ZNF709: variants seen among roughly 807,000 people sequenced by gnomAD.
The protein encoded by ZNF709 is zinc finger protein 709.
ZNF709 carries 15 observed loss-of-function variants against 10.6 expected under a neutral mutation model. The ratio of observed to expected loss-of-function variants is 1.41; its 90% confidence interval spans 0.95 to 2.18. The LOEUF (loss-of-function observed/expected upper bound fraction) is 2.18, where lower values mean the gene tolerates loss of function less well. Ranked by LOEUF, ZNF709 falls within the 30% of genes most tolerant of loss-of-function variation. The probability of loss-of-function intolerance (pLI) is 0.00; values close to 1 mark genes in which losing one functional copy is unlikely to be tolerated. For synonymous variants in ZNF709, 194 were observed against 238.8 expected, an observed-to-expected ratio of 0.81 and a Z score of 1.73; for missense variants, 589 against 774.0, an observed-to-expected ratio of 0.76 and a Z score of 2.84.
At chr19:12,478,611 G>A (rs1485610889) in intron 1 of ZNF709, among the ~76,000 whole-genome samples, 3 of 152,238 alleles carry the variant, frequency 2.0e-5, no homozygotes, top group Non-Finnish European at 2.9e-5. Context: ...ATAACAGCGT[G>A]GAGAACAGAC....
At chr19:12,466,975 C>G in intron 1 of ZNF709, 125 bp from the exon 2 acceptor site, 1 of 1,361,898 alleles carries the variant, frequency 7.3e-7, no homozygotes, top group Non-Finnish European at 9.8e-7. Flanking sequence ...CATCAGAACT[C>G]AAATCTTCGT....
At chr19:12,478,882 T>C (rs185470063) in intron 1 of ZNF709, among the ~76,000 whole-genome samples, 4 of 152,326 alleles carry the variant, frequency 2.6e-5, no homozygotes, top group Admixed American at 6.5e-5. Flanking sequence ...GTGACGCTTA[T>C]GATGTGCACA....
chr19:12,482,026 A>G (rs1432304321), intron 1 of ZNF709, among the ~76,000 whole-genome samples: 1 of 151,518 alleles, frequency 6.6e-6, no homozygotes, highest in African/African-American at 2.4e-5. Flanking sequence ...GGGAAAGGAA[A>G]GCCAAGCCAC....
intron 1 of ZNF709, among the ~76,000 whole-genome samples, chr19:12,484,002 CT>C (rs1292028116): frequency 2.6e-5 from 4 of 152,166 alleles, no homozygotes; most frequent in African/African-American, 9.7e-5. Context: ...CTGTTTTCCT[CT>C]CATATAAATA....
intron 1 of ZNF709, among the ~76,000 whole-genome samples, chr19:12,471,670 G>T (rs1568247594): frequency 6.6e-6 from 1 of 152,116 alleles, no homozygotes; most frequent in Non-Finnish European, 1.5e-5. Flanking sequence ...AAGGAAAATT[G>T]ATTAATGATA....
At chr19:12,479,232 G>A (rs1170929472) in intron 1 of ZNF709, among the ~76,000 whole-genome samples, 3 of 152,078 alleles carry the variant, frequency 2.0e-5, no homozygotes, top group African/African-American at 7.2e-5. Flanking sequence ...GAGCCCAGGA[G>A]GTTGAGGCTG....
At chr19:12,475,556 C>T (rs1030930421) in intron 1 of ZNF709, among the ~76,000 whole-genome samples, 14 of 152,062 alleles carry the variant, frequency 9.2e-5, no homozygotes. Context: ...ATAGACTTTC[C>T]TCTTTTTGAG....
At position 12,464,481 on chromosome 19, in the gene ZNF709, A is replaced by G. The variant is rs761513042; in HGVS notation, c.1441T>C (p.Cys481Arg). 1.2e-5 allele frequency: 19 copies of G among 1,612,172 alleles called. No homozygotes were observed. The highest frequency in any genetic ancestry group is 1.6e-5 in the Non-Finnish European group (19 of 1,179,272). The change falls in exon 4 of 4, where the codon TGT becomes CGT. Residue 481 changes from cysteine (C) to arginine (R), a missense_variant. Cys to Arg is a radical substitution (Grantham distance 180, BLOSUM62 -3). This residue lies in a region of ZNF709 where 171 missense variants were observed against 277.7 expected (regional missense o/e 0.62). Transcript: ENST00000397732. ...CTAGAAAAACTAAAGGCTTTACCAC[A>G]CTGTTTACATTCATAGGGTTTCTCT... ...TGEKPYECKQCGKAFSFSSSF... is the reference protein window; with the variant it reads ...TGEKPYECKQRGKAFSFSSSF...
At chr19:12,484,575 G>A in intron 1 of ZNF709, 80 bp downstream of exon 1, 6 of 1,558,940 alleles carry the variant, frequency 3.8e-6, no homozygotes, top group Non-Finnish European at 5.2e-6. Context: ...GGGGAGGCCT[G>A]GGTCCCACCA....
chr19:12,481,742 T>C (rs1240947604), intron 1 of ZNF709, among the ~76,000 whole-genome samples: 1 of 149,916 alleles, frequency 6.7e-6, no homozygotes, highest in Non-Finnish European at 1.5e-5. Context: ...ACAGTGAGGA[T>C]CTACAAAAAA....
In ZNF709 at chr19:12,484,644, C is replaced by T. The variant is rs1461942060; in HGVS notation, c.3+11G>A. On this transcript the variant is annotated intron_variant, in intron 1 of 3. Coordinates refer to ENST00000397732, the MANE Select transcript of ZNF709 (RefSeq NM_152601.4). ...TCTCCCATCTCAAGACCCCCAGCCC[C>T]GCACACTTACCATTTCCCAGACTCT... The T allele has an allele frequency of 3.7e-6, 6 of 1,613,968 alleles. No homozygotes were observed. The highest frequency in any genetic ancestry group is 5.1e-6 in the Non-Finnish European group (6 of 1,179,954).
chr19:12,464,797 ACAAT>A lies in ZNF709; in HGVS notation c.1121_1124del (p.Asp374ValfsTer211), dbSNP rs1292210811. ...GTTCATGGATTTGAAAAGAACTAGG[ACAAT>A]CAAAGGCTTTCCCACATTCCTTGCA... On this transcript the variant is annotated frameshift_variant, in exon 4 of 4. Transcript: ENST00000397732. LOFTEE classifies it low-confidence loss of function (END_TRUNC). 2.5e-6 allele frequency: 4 copies of A among 1,613,572 alleles called. No homozygotes were observed. Among genetic ancestry groups the A allele is most frequent in the Non-Finnish European group, 2.5e-6 (3 of 1,179,790 alleles).
rs182372865 is a variant in ZNF709, at chr19:12,462,396, G to A, written c.*1600C>T. On this transcript the variant is annotated 3_prime_UTR_variant, in exon 4 of 4. Coordinates refer to ENST00000397732, the MANE Select transcript of ZNF709 (RefSeq NM_152601.4). ...AAACATAGGTCACAACATAACCCATGTTAACACAATCCAGGACAGCCATTT... is the reference window on the plus strand; with the variant it reads ...AAACATAGGTCACAACATAACCCATATTAACACAATCCAGGACAGCCATTT... 78 of 152,296 alleles carry A rather than the reference G, an allele frequency of 5.1e-4. No individual in the cohort carries two copies. The highest frequency in any genetic ancestry group is 1.9e-3 in the African/African-American group (77 of 41,552). The allele number at this position is 152,296 out of a possible 1,614,324, so 9.4% of individuals were successfully genotyped here.
chr19:12,463,888 C>G lies in ZNF709; in HGVS notation c.*108G>C. The G allele has an allele frequency of 1.0e-6, 1 of 981,086 alleles. No homozygotes were observed. 60.8% of individuals were successfully genotyped at this position (981,086 alleles called of 1,614,324 possible). ...GTTGCAGTGAGCTGAGATCACTCTA[C>G]TGCACTCCAGCCAGGGCAACAGAGT... On this transcript the variant is annotated 3_prime_UTR_variant, in exon 4 of 4. Transcript: ENST00000397732.
intron 1 of ZNF709, among the ~76,000 whole-genome samples, chr19:12,468,289 G>A (rs1188052895): frequency 6.6e-6 from 1 of 152,234 alleles, no homozygotes; most frequent in African/African-American, 2.4e-5. Flanking sequence ...AAATCGGATG[G>A]TTGCTGTGTC....
intron 1 of ZNF709, among the ~76,000 whole-genome samples, chr19:12,476,389 C>CAAA (rs35824945): frequency 1.1e-4 from 9 of 84,312 alleles, no homozygotes; most frequent in Non-Finnish European, 1.7e-4. Context: ...GAACTTGCCT[C>CAAA]AAAAAAAAAA....
rs1970533537 is a variant in ZNF709, at chr19:12,463,482, G to T, written c.*514C>A. The T allele has an allele frequency of 6.6e-6, 1 of 152,180 alleles. No homozygotes were observed. Among genetic ancestry groups the T allele is most frequent in the South Asian group, 2.1e-4 (1 of 4,822 alleles). 9.4% of individuals were successfully genotyped at this position (152,180 alleles called of 1,614,324 possible). On this transcript the variant is annotated 3_prime_UTR_variant, in exon 4 of 4. Transcript: ENST00000397732. ...TATGCCTTCTCATGGTCCTTAAAAGGTCATATGACCATTGAAGGTTTTCCC... is the reference window on the plus strand; with the variant it reads ...TATGCCTTCTCATGGTCCTTAAAAGTTCATATGACCATTGAAGGTTTTCCC...
At chr19:12,467,534 C>T (rs1008111553) in intron 1 of ZNF709, among the ~76,000 whole-genome samples, 6 of 152,320 alleles carry the variant, frequency 3.9e-5, no homozygotes, top group African/African-American at 7.2e-5. Context: ...CCCAAAGTGC[C>T]GAGACTGCAG....
intron 1 of ZNF709, chr19:12,481,193 T>C (rs1970723818): frequency 1.0e-6 from 1 of 984,856 alleles, no homozygotes; most frequent in Non-Finnish European, 1.2e-6. Flanking sequence ...GAGGTTCTCT[T>C]GCCTAAAAGA....
Sources: allele counts gnomAD v4.1 joint callset (sites outside exome capture counted in the v4.1 genomes callset), GRCh38; gene constraint gnomAD v4.1.1; regional missense constraint gnomAD v4.1.1; transcripts MANE v1.5; gene names NCBI Gene and HGNC (gene_info 2026-07-23, HGNC 2026-07-21).